ADGRE3: variants seen among roughly 807,000 people sequenced by gnomAD.
ADGRE3 encodes the protein adhesion G protein-coupled receptor E3.
ADGRE3 carries 88 observed loss-of-function variants against 80.1 expected under a neutral mutation model. That is an observed-to-expected ratio of 1.10 (90% CI 0.93 to 1.31). The LOEUF (loss-of-function observed/expected upper bound fraction) is 1.31, where lower values mean the gene tolerates loss of function less well. Ranked by LOEUF, ADGRE3 falls within the 40% of genes most tolerant of loss-of-function variation. The pLI, the probability that ADGRE3 is intolerant of heterozygous loss-of-function variation, is 0.00. For missense variants in ADGRE3, 715 were observed against 776.5 expected (o/e 0.92, Z 0.94); for synonymous variants, 281 against 294.8 (o/e 0.95, Z 0.48).
chr19:14,646,546 C>CTTTTTTT (rs199907123), intron 8 of ADGRE3, among the ~76,000 whole-genome samples: 1 of 120,710 alleles, frequency 8.3e-6, no homozygotes, highest in Non-Finnish European at 1.8e-5. Context: ...CTAGCTAATT[C>CTTTTTTT]TTTTTTTTTT....
chr19:14,644,607 C>A (rs1254984934), intron 8 of ADGRE3, among the ~76,000 whole-genome samples: 2 of 151,806 alleles, frequency 1.3e-5, no homozygotes, highest in Non-Finnish European at 2.9e-5. Context: ...CAGGCATGAG[C>A]CACTGCATCT....
downstream of ADGRE3, among the ~76,000 whole-genome samples, chr19:14,617,398 CTTTT>C (rs1175328065): frequency 4.2e-5 from 2 of 47,310 alleles, no homozygotes; most frequent in African/African-American, 1.4e-4. Context: ...TTCTTTCTTT[CTTTT>C]CTTTCTCTCT....
downstream of ADGRE3, among the ~76,000 whole-genome samples, chr19:14,614,498 T>G (rs572467160): frequency 1.1e-4 from 16 of 152,214 alleles, no homozygotes; most frequent in African/African-American, 3.6e-4. Context: ...CAAACATATA[T>G]TGTGTGGTAA....
chr19:14,672,324 C>A (rs917287059), intron 1 of ADGRE3, among the ~76,000 whole-genome samples: 1 of 152,160 alleles, frequency 6.6e-6, no homozygotes, highest in African/African-American at 2.4e-5. Flanking sequence ...TAGAAATCAT[C>A]CACTGACTTA....
the ADGRE3 span, among the ~76,000 whole-genome samples, chr19:14,612,384 G>A: frequency 6.6e-6 from 1 of 152,098 alleles, no homozygotes; most frequent in Non-Finnish European, 1.5e-5. Context: ...CACTCAGGCT[G>A]GAGTGCAGTG....
chr19:14,603,423 T>C, the ADGRE3 span, among the ~76,000 whole-genome samples: 3 of 152,162 alleles, frequency 2.0e-5, no homozygotes, highest in African/African-American at 4.8e-5. Context: ...CAGTGAGTCA[T>C]GATAAGGATC....
At position 14,638,369 on chromosome 19, in the gene ADGRE3, G is replaced by A. The variant is rs551832597; in HGVS notation, c.1249-29C>T. 508 of 1,562,844 alleles carry A rather than the reference G, an allele frequency of 3.3e-4. 5 individuals carry two copies. In the South Asian group the frequency reaches 5.3e-3, roughly 16 times the overall value. ...GGGGAGGAGAAAGGGATGCCTGAAGGGGTTGTCAGGGTGGAGTATGGCCCT... is the reference window on the plus strand; with the variant it reads ...GGGGAGGAGAAAGGGATGCCTGAAGAGGTTGTCAGGGTGGAGTATGGCCCT... On this transcript the variant is annotated intron_variant, in intron 10 of 15. Coordinates refer to ENST00000253673, the MANE Select transcript of ADGRE3 (RefSeq NM_032571.5).
At chr19:14,636,696 C>T (rs1188082700) in intron 11 of ADGRE3, among the ~76,000 whole-genome samples, 1 of 152,134 alleles carries the variant, frequency 6.6e-6, no homozygotes, top group Non-Finnish European at 1.5e-5. Flanking sequence ...GCTCTCTGAC[C>T]TGCTTCCTAC....
chr19:14,630,478 G>A (rs558411221), intron 13 of ADGRE3, among the ~76,000 whole-genome samples: 31 of 151,752 alleles, frequency 2.0e-4, no homozygotes, highest in Middle Eastern at 3.4e-3. Flanking sequence ...ACATGATCTC[G>A]ACTCACTGCA....
intron 15 of ADGRE3, among the ~76,000 whole-genome samples, chr19:14,620,551 TATATATATATATATATA>T (rs1970559272): frequency 8.5e-5 from 2 of 23,414 alleles, no homozygotes; most frequent in Non-Finnish European, 1.5e-4. Flanking sequence ...ATATATATTA[TATATATATATATATATA>T]TTTTTTTTTT....
intron 14 of ADGRE3, 30 bp from the exon 15 acceptor site, chr19:14,625,629 G>T: frequency 4.8e-6 from 7 of 1,448,612 alleles, no homozygotes; most frequent in Non-Finnish European, 6.8e-6. Context: ...ACCTGGATGG[G>T]TTTTGCTAAC....
At chr19:14,666,133 G>A (rs1034833158) in intron 2 of ADGRE3, among the ~76,000 whole-genome samples, 5 of 150,614 alleles carry the variant, frequency 3.3e-5, no homozygotes, top group African/African-American at 1.2e-4. Flanking sequence ...TGGGATTCCC[G>A]GATCAAATGG....
chr19:14,627,630 C>T (rs969223763), intron 14 of ADGRE3, among the ~76,000 whole-genome samples: 15 of 151,876 alleles, frequency 9.9e-5, no homozygotes, highest in Non-Finnish European at 1.8e-4. Context: ...CTGCCTGCCT[C>T]GGCCTCCCAA....
At chr19:14,619,722 T>C (rs1387221284) in intron 15 of ADGRE3, among the ~76,000 whole-genome samples, 1 of 152,214 alleles carries the variant, frequency 6.6e-6, no homozygotes, top group East Asian at 1.9e-4. Flanking sequence ...TATTACACTC[T>C]GGAATTTCAG....
chr19:14,603,257 A>G, the ADGRE3 span, among the ~76,000 whole-genome samples: 6 of 152,120 alleles, frequency 3.9e-5, no homozygotes, highest in African/African-American at 9.7e-5. Context: ...TGTGGGGTCA[A>G]GGTGGAAGGG....
downstream of ADGRE3, among the ~76,000 whole-genome samples, chr19:14,618,846 C>CAAAAAA (rs771965258): frequency 0.012 from 751 of 61,934 alleles, 57 homozygotes; most frequent in African/African-American, 0.025. Flanking sequence ...AACTCCATCT[C>CAAAAAA]AAAAAAAAAA....
intron 1 of ADGRE3, among the ~76,000 whole-genome samples, chr19:14,673,921 T>C (rs1032165298): frequency 8.5e-5 from 13 of 152,210 alleles, no homozygotes; most frequent in Admixed American, 5.9e-4. Flanking sequence ...TCTATCATTC[T>C]ACTCTCTATG....
the ADGRE3 span, among the ~76,000 whole-genome samples, chr19:14,607,397 G>A: frequency 2.0e-5 from 3 of 151,550 alleles, no homozygotes; most frequent in Non-Finnish European, 4.4e-5. Flanking sequence ...TAGAGACGGG[G>A]TTTCACCGTG....
intron 4 of ADGRE3, 107 bp from the exon 5 acceptor site, chr19:14,658,657 T>C: frequency 3.6e-6 from 2 of 552,022 alleles, no homozygotes; most frequent in South Asian, 4.6e-5. Context: ...ACCTAGAAGG[T>C]AAAAGCCTGA....
Sources: gnomAD v4.1 joint callset for allele counts (sites outside exome capture counted in the v4.1 genomes callset) on GRCh38, gnomAD v4.1.1 for gene constraint, MANE v1.5 for transcripts, NCBI Gene and HGNC (gene_info 2026-07-23, HGNC 2026-07-21) for gene names.